Variants in CFAP61 observed in about 807,000 individuals in gnomAD.
The protein encoded by CFAP61 is cilia and flagella associated protein 61, also known as cilia- and flagella-associated protein 61.
Under a neutral mutation model 135.6 loss-of-function variants are expected in CFAP61, and 107 were observed. The observed-to-expected ratio is 0.79, with a 90% CI of 0.67 to 0.93. The LOEUF (loss-of-function observed/expected upper bound fraction) is 0.93. Ranked by LOEUF, CFAP61 falls within the 40% of genes least tolerant of loss-of-function variation. The pLI is 0.00. For missense variants in CFAP61, 1,507 were observed against 1,556.2 expected, an observed-to-expected ratio of 0.97 and a Z score of 0.53; for synonymous variants, 575 against 578.5, an observed-to-expected ratio of 0.99 and a Z score of 0.09.
chr20:20,086,823 C>A (rs1475856585), intron 6 of CFAP61, among the ~76,000 whole-genome samples: 1 of 152,164 alleles, frequency 6.6e-6, no homozygotes, highest in African/African-American at 2.4e-5. Context: ...AGCACCAGAA[C>A]TGGACAATAT....
chr20:20,251,540 T>C, intron 19 of CFAP61, 55 bp from the exon 20 acceptor site: 1 of 1,573,616 alleles, frequency 6.4e-7, no homozygotes, highest in Middle Eastern at 1.7e-4. Flanking sequence ...AGATGTCTAA[T>C]TAATGCCCGC....
chr20:20,247,896 A>C (rs1466979279), intron 19 of CFAP61, among the ~76,000 whole-genome samples: 12 of 151,046 alleles, frequency 7.9e-5, no homozygotes, highest in Admixed American at 7.9e-4. Flanking sequence ...ACCCCAACAC[A>C]CTCCAGTCCC....
chr20:20,070,949 A>G lies in CFAP61; in HGVS notation c.239A>G (p.Lys80Arg). Reference sequence around the variant, plus strand: ...GACTACCCCAACTGGAATGTTGCCAAGCAGGATGACTGGGTGTCAGTGTTC... The same window carrying G: ...GACTACCCCAACTGGAATGTTGCCAGGCAGGATGACTGGGTGTCAGTGTTC... ...FLDYPNWNVA[K>R]QDDWVSVFRE... The change falls in exon 3 of 27, where the codon AAG (lysine) becomes AGG (arginine). Residue 80 changes from lysine to arginine, a missense_variant. By Grantham distance (26) the Lys-to-Arg change is conservative. Transcript: ENST00000245957. 3 of 1,614,208 alleles carry G rather than the reference A, an allele frequency of 1.9e-6. No individual in the cohort carries two copies. Among genetic ancestry groups the G allele is most frequent in the Non-Finnish European group, 2.5e-6 (3 of 1,180,030 alleles).
At chr20:20,329,105 A>T in intron 25 of CFAP61, among the ~76,000 whole-genome samples, 1 of 152,026 alleles carries the variant, frequency 6.6e-6, no homozygotes, top group East Asian at 1.9e-4. Flanking sequence ...TCTTCTGCTG[A>T]CACTTTACTC....
At chr20:20,248,428 C>T (rs1026335783) in intron 19 of CFAP61, among the ~76,000 whole-genome samples, 7 of 152,094 alleles carry the variant, frequency 4.6e-5, no homozygotes, top group South Asian at 4.1e-4. Context: ...TTGAACTTGT[C>T]GTTAACCATT....
chr20:20,269,184 C>CATATATAAATATATGTATATAT (rs1569219557), intron 21 of CFAP61, among the ~76,000 whole-genome samples: 1 of 84,222 alleles, frequency 1.2e-5, no homozygotes. Context: ...TGTATATACA[C>CATATATAAATATATGTATATAT]ACACATATAT....
intron 20 of CFAP61, chr20:20,253,630 GT>G: frequency 2.1e-6 from 1 of 470,696 alleles, no homozygotes. Flanking sequence ...CAGTCCCACT[GT>G]TTGGCCTGGA....
At chr20:20,358,181 A>G (rs73607411) in intron 26 of CFAP61, among the ~76,000 whole-genome samples, 65,938 of 114,988 alleles carry the variant, frequency 0.57, 19,721 homozygotes, top group East Asian at 0.66. Flanking sequence ...ACTGAGGGGA[A>G]GTGGTCACAC....
chr20:20,265,758 T>G (rs1234733318), intron 21 of CFAP61: 6 of 397,092 alleles, frequency 1.5e-5, no homozygotes, highest in Non-Finnish European at 2.7e-5. Context: ...CATTTAACTC[T>G]GTGTAGAGGC....
chr20:20,199,926 G>A, intron 17 of CFAP61, 24 bp downstream of exon 17: 1 of 1,612,254 alleles, frequency 6.2e-7, no homozygotes, highest in Non-Finnish European at 8.5e-7. Context: ...CGGCAGGCAG[G>A]GCGGCGCGGT....
Position 20,181,274 on chromosome 20 carries a change from T to TGTACACAC in CFAP61, c.1386-6656_1386-6655insGTACACAC, listed in dbSNP as rs1190768293. Among the ~76,000 whole-genome samples, 135 of 32,848 alleles carry TGTACACAC rather than the reference T, an allele frequency of 4.1e-3. 3 individuals carry two copies. The highest frequency in any genetic ancestry group is 0.011 in the African/African-American group (129 of 11,692). The allele number at this position is 32,848 out of a possible 152,430, so 21.5% of individuals were successfully genotyped here. A position where few individuals can be genotyped will look rare whatever the true frequency, so the allele number is the denominator to read the frequency against. ...TATAACTTTTATATGTATGTGTATG[T>TGTACACAC]ATACACACACACACACACACACACA... On this transcript the variant is annotated intron_variant, in intron 13 of 26. Transcript: ENST00000245957.
intron 13 of CFAP61, among the ~76,000 whole-genome samples, chr20:20,175,694 A>AT (rs11087313): frequency 1.7e-4 from 26 of 149,638 alleles, no homozygotes; most frequent in Admixed American, 2.7e-4. Context: ...ACCTGACTAA[A>AT]TTTTTTTTTT....
At chr20:20,200,213 C>T (rs1338958723) in intron 17 of CFAP61, among the ~76,000 whole-genome samples, 3 of 152,266 alleles carry the variant, frequency 2.0e-5, no homozygotes, top group Non-Finnish European at 4.4e-5. Flanking sequence ...TTTTCTTTCC[C>T]TGTCCTCAAA....
chr20:20,080,707 T>C (rs1039718555), intron 6 of CFAP61, among the ~76,000 whole-genome samples: 1 of 152,158 alleles, frequency 6.6e-6, no homozygotes, highest in African/African-American at 2.4e-5. Flanking sequence ...TTTTCAGTTA[T>C]TAAAACTGTT....
chr20:20,135,081 G>A (rs138758743), intron 8 of CFAP61, among the ~76,000 whole-genome samples: 1 of 152,132 alleles, frequency 6.6e-6, no homozygotes, highest in African/African-American at 2.4e-5. Flanking sequence ...CTGTGATAAG[G>A]GAGAGACAGA....
chr20:20,326,722 T>G (rs1013861335), intron 25 of CFAP61, among the ~76,000 whole-genome samples: 16 of 152,366 alleles, frequency 1.1e-4, no homozygotes, highest in Non-Finnish European at 1.2e-4. Flanking sequence ...TGTCTGTTTC[T>G]GTACTCTTCC....
chr20:20,269,789 G>T (rs1569220832), intron 21 of CFAP61, among the ~76,000 whole-genome samples: 1 of 152,188 alleles, frequency 6.6e-6, no homozygotes, highest in Admixed American at 6.5e-5. Context: ...GCCAGTTGGA[G>T]TATATTTTAG....
At chr20:20,218,788 G>T (rs184418461) in intron 17 of CFAP61, among the ~76,000 whole-genome samples, 8 of 152,330 alleles carry the variant, frequency 5.3e-5, no homozygotes, top group African/African-American at 1.9e-4. Context: ...CTGTCAAATT[G>T]AAATTGTTGA....
At chr20:20,335,448 T>G (rs768532778) in intron 25 of CFAP61, among the ~76,000 whole-genome samples, 2 of 152,338 alleles carry the variant, frequency 1.3e-5, no homozygotes, top group Middle Eastern at 3.4e-3. Context: ...CAGCCTCCCA[T>G]GCAACCAAGA....
Sources: gnomAD v4.1 joint callset for allele counts (sites outside exome capture counted in the v4.1 genomes callset) on GRCh38, gnomAD v4.1.1 for gene constraint, MANE v1.5 for transcripts, NCBI Gene and HGNC (gene_info 2026-07-23, HGNC 2026-07-21) for gene names.